The following C19orf38 variants were observed in gnomAD, a reference collection of about 807,000 sequenced individuals.
C19orf38 encodes the protein protein HIDE1.
C19orf38 carries 14 observed loss-of-function variants against 26.6 expected under a neutral mutation model. The ratio of observed to expected loss-of-function variants is 0.53; its 90% CI spans 0.35 to 0.82. The LOEUF is 0.82. Among genes scored for constraint, C19orf38 ranks in the 40% least tolerant of loss-of-function variants. C19orf38 has a pLI of 0.01. For synonymous variants in C19orf38, 132 were observed against 128.5 expected, an observed-to-expected ratio of 1.03 and a Z score of -0.18; for missense variants, 261 against 299.5, an observed-to-expected ratio of 0.87 and a Z score of 0.95.
chr19:10,844,683 TA>T (rs1347039130), upstream of C19orf38, among the ~76,000 whole-genome samples: 12 of 150,160 alleles, frequency 8.0e-5, no homozygotes, highest in African/African-American at 2.9e-4. Context: ...CCGTCTCTAC[TA>T]AAAAATACAA....
upstream of C19orf38, among the ~76,000 whole-genome samples, chr19:10,847,596 T>C (rs937136817): frequency 3.9e-5 from 6 of 151,976 alleles, no homozygotes; most frequent in East Asian, 2.0e-4. Flanking sequence ...CTCGAACTCC[T>C]GACCTCAGGT....
Position 10,851,392 on chromosome 19 carries a change from G to C in C19orf38, c.340+825G>C, listed in dbSNP as rs533939034. Reference sequence around the variant, plus strand: ...ATGAGACAAGGTCGTGCAGACTAGAGGGCAATGGCACAATCATAGCTCACT... The same window carrying C: ...ATGAGACAAGGTCGTGCAGACTAGACGGCAATGGCACAATCATAGCTCACT... On this transcript the variant is annotated intron_variant, in intron 2 of 6. Coordinates refer to ENST00000397820, the MANE Select transcript of C19orf38 (RefSeq NM_001136482.3). Among the ~76,000 whole-genome samples the C allele has an allele frequency of 2.7e-5, 4 of 149,268 alleles. No homozygotes were observed. In the South Asian group the frequency reaches 6.4e-4, roughly 24 times the overall value.
intron 6 of C19orf38, among the ~76,000 whole-genome samples, chr19:10,863,928 A>T (rs1366570579): frequency 1.3e-5 from 2 of 152,126 alleles, no homozygotes; most frequent in African/African-American, 4.8e-5. Context: ...AAACAAACAG[A>T]TAAAAATGAA....
chr19:10,858,367 C>T, intron 4 of C19orf38, 24 bp downstream of exon 4: 4 of 1,542,586 alleles, frequency 2.6e-6, no homozygotes, highest in Non-Finnish European at 3.5e-6. Context: ...TGGAGACCCA[C>T]AGAGGGTGGT....
Position 10,850,439 on chromosome 19 carries a change from C to T in C19orf38, c.212C>T (p.Thr71Ile), listed in dbSNP as rs749297423. The T allele has an allele frequency of 4.5e-6, 7 of 1,551,508 alleles. No individual in the cohort carries two copies. Among genetic ancestry groups the T allele is most frequent in the Non-Finnish European group, 4.4e-6 (5 of 1,146,900 alleles). Reference protein sequence around the residue: ...LQAPTDQRGVTFNLSGGSSKA... With the variant: ...LQAPTDQRGVIFNLSGGSSKA... ...GCCCCCACGGACCAGCGCGGGGTGA[C>T]ATTTAACCTGAGCGGCGGCAGCAGC... Residue 71 changes from threonine (T) to isoleucine (I), a missense_variant, in exon 2 of 7, where the codon ACA becomes ATA. Thr to Ile is a moderately conservative substitution (Grantham distance 89, BLOSUM62 -1). Coordinates refer to ENST00000397820, the MANE Select transcript of C19orf38 (RefSeq NM_001136482.3).
intron 1 of C19orf38, among the ~76,000 whole-genome samples, chr19:10,839,501 A>G (rs577169619): frequency 6.6e-6 from 1 of 151,920 alleles, no homozygotes; most frequent in African/African-American, 2.4e-5. Context: ...TCAACTCCTC[A>G]TTACACTTTG....
intron 1 of C19orf38, among the ~76,000 whole-genome samples, chr19:10,849,702 AAAGT>A (rs1419959287): frequency 1.3e-5 from 2 of 150,758 alleles, no homozygotes; most frequent in African/African-American, 2.4e-5. Context: ...ATAAATAAAT[AAAGT>A]AATAATAAAT....
intron 2 of C19orf38, among the ~76,000 whole-genome samples, chr19:10,855,317 G>A (rs1284983178): frequency 1.3e-5 from 2 of 151,988 alleles, no homozygotes; most frequent in Non-Finnish European, 2.9e-5. Context: ...ACAGGCGTGA[G>A]CCACCGTGCC....
chr19:10,842,496 G>A (rs920365311), intron 1 of C19orf38, among the ~76,000 whole-genome samples: 2 of 152,002 alleles, frequency 1.3e-5, no homozygotes, highest in South Asian at 4.1e-4. Context: ...TCCTGACCTC[G>A]TGATCCGTCG....
rs573237567 is a variant in C19orf38 at position 10,858,167 on chromosome 19, G to T, written c.434-149G>T. ...TGCTTAAATCCAGGAGGCAGAGGTTGCAGTGAGCCAAGATTGAGCCACTGC... is the reference window on the plus strand; with the variant it reads ...TGCTTAAATCCAGGAGGCAGAGGTTTCAGTGAGCCAAGATTGAGCCACTGC... On this transcript the variant is annotated intron_variant, in intron 3 of 6. Coordinates refer to ENST00000397820, the MANE Select transcript of C19orf38 (RefSeq NM_001136482.3). The T allele has an allele frequency of 3.0e-4, 198 of 664,684 alleles. 1 individual carries two copies. Among genetic ancestry groups the T allele is most frequent in the Middle Eastern group, 1.3e-3 (3 of 2,310 alleles). The allele number at this position is 664,684 out of a possible 1,614,324, so 41.2% of individuals were successfully genotyped here. A position where few individuals can be genotyped will look rare whatever the true frequency, so the allele number is the denominator to read the frequency against.
chr19:10,851,007 G>A (rs1354266352), intron 2 of C19orf38, among the ~76,000 whole-genome samples: 1 of 152,158 alleles, frequency 6.6e-6, no homozygotes, highest in East Asian at 1.9e-4. Flanking sequence ...CAAAAACCAT[G>A]AATTACACCT....
intron 5 of C19orf38, among the ~76,000 whole-genome samples, chr19:10,862,928 C>T (rs188922940): frequency 4.4e-4 from 67 of 150,784 alleles, no homozygotes; most frequent in Middle Eastern, 6.8e-3. Context: ...TGAGATAAGA[C>T]ACCCATTTTC....
intron 1 of C19orf38, among the ~76,000 whole-genome samples, chr19:10,843,319 A>T (rs1458751286): frequency 2.0e-5 from 3 of 152,170 alleles, no homozygotes; most frequent in African/African-American, 7.2e-5. Flanking sequence ...CAGGCTTTAA[A>T]CTGTCTTTGG....
At chr19:10,858,250 A>C (rs1275241606) in intron 3 of C19orf38, 66 bp from the exon 4 acceptor site, 5 of 1,272,028 alleles carry the variant, frequency 3.9e-6, no homozygotes, top group Non-Finnish European at 5.4e-6. Flanking sequence ...AAAAAAAAAA[A>C]AACAGAAATT....
intron 5 of C19orf38, among the ~76,000 whole-genome samples, chr19:10,860,659 G>C (rs2073688743): frequency 6.7e-6 from 1 of 149,040 alleles, no homozygotes; most frequent in Non-Finnish European, 1.5e-5. Flanking sequence ...GGCTAAAACA[G>C]TGAAACCCCA....
rs1012922793 is a variant in C19orf38 at position 10,869,536 on chromosome 19, C to T, written c.*169C>T. 1.7e-5 allele frequency: 16 copies of T among 964,048 alleles called. No individual in the cohort carries two copies. In the East Asian group the frequency reaches 2.9e-4, roughly 18 times the overall value. 59.7% of individuals were successfully genotyped at this position (964,048 alleles called of 1,614,324 possible). A position where few individuals can be genotyped will look rare whatever the true frequency, so the allele number is the denominator to read the frequency against. On this transcript the variant is annotated 3_prime_UTR_variant, in exon 7 of 7. Transcript: ENST00000397820. ...TCACAGAGGAGTGGGAGAGGGGACA[C>T]AGGCATGGGCCTGGCACTATACAGA...
upstream of C19orf38, chr19:10,848,323 G>T (rs2073534817): frequency 3.3e-6 from 2 of 611,068 alleles, no homozygotes; most frequent in Non-Finnish European, 5.9e-6. Flanking sequence ...GGGAAGGGGT[G>T]GGGAGGGGAG....
chr19:10,841,720 C>A lies in C19orf38; in HGVS notation c.-69+4950C>A, dbSNP rs147482811. The A allele has an allele frequency of 4.9e-4, 313 of 635,958 alleles. 1 individual carries two copies. Among genetic ancestry groups the A allele is most frequent in the Middle Eastern group, 8.4e-4 (2 of 2,388 alleles). The allele number at this position is 635,958 out of a possible 1,614,324, so 39.4% of individuals were successfully genotyped here. ...AGGTGGAGTGGCTCACGCCTGTAAT[C>A]CCAGCATTTTGGGCGGCCAAGTTGG... On this transcript the variant is annotated intron_variant, in intron 1 of 7. Coordinates refer to the C19orf38 transcript ENST00000592854.
intron 2 of C19orf38, among the ~76,000 whole-genome samples, chr19:10,851,353 T>G (rs1448951699): frequency 6.6e-6 from 1 of 150,616 alleles, no homozygotes; most frequent in Non-Finnish European, 1.5e-5. Flanking sequence ...CACCTGGCTT[T>G]TTTTTTTTTT....
Sources: gnomAD v4.1 joint callset for allele counts (sites outside exome capture counted in the v4.1 genomes callset) on GRCh38, gnomAD v4.1.1 for gene constraint, MANE v1.5 for transcripts, NCBI Gene and HGNC (gene_info 2026-07-23, HGNC 2026-07-21) for gene names.